LRRC72: variants seen among roughly 807,000 people sequenced by gnomAD.
The protein encoded by LRRC72 is leucine rich repeat containing 72.
Under a neutral mutation model 35.8 loss-of-function variants are expected in LRRC72, and 41 were observed. That is an observed-to-expected ratio of 1.15 (90% CI 0.89 to 1.49). LRRC72 has a LOEUF of 1.49. Among genes scored for constraint, LRRC72 ranks in the 40% most tolerant of loss-of-function variants. The pLI is 0.00. For synonymous variants in LRRC72, 118 were observed against 119.2 expected (o/e 0.99, Z 0.07); for missense variants, 389 against 330.7 (o/e 1.18, Z -1.37).
chr7:16,574,648 G>C (rs967254518), intron 7 of LRRC72, among the ~76,000 whole-genome samples: 3 of 152,030 alleles, frequency 2.0e-5, no homozygotes, highest in East Asian at 3.9e-4. Flanking sequence ...GGGCCTGTCG[G>C]GGGCTGGAGG....
At chr7:16,544,010 A>G (rs1782403692) in intron 3 of LRRC72, among the ~76,000 whole-genome samples, 1 of 152,224 alleles carries the variant, frequency 6.6e-6, no homozygotes, top group African/African-American at 2.4e-5. Flanking sequence ...CTTATCCTGT[A>G]CTTGCATTAG....
At chr7:16,581,245 A>G (rs1783136086) in intron 8 of LRRC72, 79 bp from the exon 9 acceptor site, 2 of 1,278,094 alleles carry the variant, frequency 1.6e-6, no homozygotes, top group Admixed American at 6.3e-5. Flanking sequence ...GCATTGATTC[A>G]TTTGAATAAA....
intron 3 of LRRC72, among the ~76,000 whole-genome samples, chr7:16,551,462 T>C (rs371990325): frequency 6.6e-5 from 10 of 152,074 alleles, no homozygotes; most frequent in Non-Finnish European, 1.5e-4. Context: ...GGGCTGGCCA[T>C]CAAAAACACT....
intron 1 of LRRC72, among the ~76,000 whole-genome samples, chr7:16,528,579 T>C (rs903607607): frequency 6.6e-6 from 1 of 152,126 alleles, no homozygotes; most frequent in African/African-American, 2.4e-5. Flanking sequence ...GTCATATCTG[T>C]TCACTGCTCA....
chr7:16,553,693 G>GC (rs916001930), intron 3 of LRRC72, among the ~76,000 whole-genome samples: 1 of 152,112 alleles, frequency 6.6e-6, no homozygotes, highest in Non-Finnish European at 1.5e-5. Flanking sequence ...CCCCAGGGTA[G>GC]CCCCTGCCCC....
chr7:16,581,357 TG>T lies in LRRC72; in HGVS notation c.733del (p.Val245Ter), dbSNP rs1783138368. 6.5e-7 allele frequency: 1 copy of T among 1,532,924 alleles called. No individual in the cohort carries two copies. The highest frequency in any genetic ancestry group is 8.8e-7 in the Non-Finnish European group (1 of 1,137,906). The allele number at this position is 1,532,924 out of a possible 1,614,324, so 95.0% of individuals were successfully genotyped here. Reference sequence around the variant, plus strand: ...TTGATGACCCAGAAGATGCTGTTTTTGTGAGGTCCATGAAGAGATCAGTGAT... The same window carrying T: ...TTGATGACCCAGAAGATGCTGTTTTTTGAGGTCCATGAAGAGATCAGTGAT... ...VLDDPEDAVF[V>X]RSMKRSVMTL... On this transcript the variant is annotated frameshift_variant, in exon 9 of 9. Transcript: ENST00000401542. LOFTEE classifies it high-confidence loss of function.
intron 5 of LRRC72, among the ~76,000 whole-genome samples, chr7:16,562,341 C>A (rs1782757510): frequency 6.6e-6 from 1 of 152,186 alleles, no homozygotes; most frequent in South Asian, 2.1e-4. Context: ...CTCCTGCCCC[C>A]TTTCCAGTAC....
intron 4 of LRRC72, 23 bp downstream of exon 4, chr7:16,557,464 A>C: frequency 1.0e-6 from 1 of 974,542 alleles, no homozygotes; most frequent in South Asian, 3.5e-5. Flanking sequence ...TTCTCTGTTG[A>C]TTTAATAAAT....
At chr7:16,554,649 C>A (rs796618066) in intron 3 of LRRC72, among the ~76,000 whole-genome samples, 9 of 152,242 alleles carry the variant, frequency 5.9e-5, no homozygotes, top group African/African-American at 1.9e-4. Flanking sequence ...TAAACAAGAT[C>A]TTTTAATAGC....
chr7:16,548,708 T>C (rs1301819391), intron 3 of LRRC72, among the ~76,000 whole-genome samples: 1 of 152,192 alleles, frequency 6.6e-6, no homozygotes, highest in Non-Finnish European at 1.5e-5. Context: ...GGATCCAAGC[T>C]GGTAGCAGGA....
At chr7:16,571,569 C>T (rs1782945086) in intron 7 of LRRC72, among the ~76,000 whole-genome samples, 1 of 152,166 alleles carries the variant, frequency 6.6e-6, no homozygotes, top group Non-Finnish European at 1.5e-5. Context: ...TGGGGTGTCG[C>T]CTCACCCGGG....
At chr7:16,560,262 T>A (rs1161905227) in intron 5 of LRRC72, among the ~76,000 whole-genome samples, 2 of 152,238 alleles carry the variant, frequency 1.3e-5, no homozygotes, top group Non-Finnish European at 2.9e-5. Flanking sequence ...TGAACAGTTG[T>A]AAGCTAGTAT....
chr7:16,578,300 C>T (rs1204522199), intron 7 of LRRC72, among the ~76,000 whole-genome samples: 1 of 152,082 alleles, frequency 6.6e-6, no homozygotes, highest in African/African-American at 2.4e-5. Context: ...TGGTGAAACC[C>T]CGTCTCTATT....
In LRRC72 at chr7:16,581,445, G is replaced by T; in HGVS notation, c.820G>T (p.Glu274Ter). 6.5e-7 allele frequency: 1 copy of T among 1,550,302 alleles called. No homozygotes were observed. Among genetic ancestry groups the T allele is most frequent in the South Asian group, 1.2e-5 (1 of 83,880 alleles). ...PTREERYLEE[E>*]GTETAQMLTV... ...ACGAGAGGAAAGGTACCTTGAAGAG[G>T]AAGGCACAGAAACAGCTCAAATGCT... The change falls in exon 9 of 9, where the codon GAA (glutamate) becomes TAA (stop). Residue 274 changes from glutamate (E) to a stop codon, truncating the protein, a stop_gained. Coordinates refer to ENST00000401542, the MANE Select transcript of LRRC72 (RefSeq NM_001195280.2). LOFTEE classifies it high-confidence loss of function.
intron 7 of LRRC72, among the ~76,000 whole-genome samples, chr7:16,577,856 T>C (rs918776415): frequency 2.0e-5 from 3 of 152,116 alleles, no homozygotes; most frequent in African/African-American, 7.2e-5. Context: ...ATCCAACAAG[T>C]AGGCAGAAGT....
chr7:16,531,465 C>A (rs1235781325), intron 1 of LRRC72, among the ~76,000 whole-genome samples: 1 of 152,190 alleles, frequency 6.6e-6, no homozygotes, highest in Non-Finnish European at 1.5e-5. Flanking sequence ...ATGTTCATTG[C>A]ACTAAATATA....
intron 7 of LRRC72, among the ~76,000 whole-genome samples, chr7:16,578,523 C>T (rs189347455): frequency 1.3e-5 from 2 of 152,154 alleles, no homozygotes; most frequent in African/African-American, 4.8e-5. Context: ...AAAACAAAAC[C>T]ACACACATTG....
At chr7:16,570,857 G>T (rs1782932146) in intron 7 of LRRC72, among the ~76,000 whole-genome samples, 1 of 151,956 alleles carries the variant, frequency 6.6e-6, no homozygotes, top group Non-Finnish European at 1.5e-5. Flanking sequence ...TTTCTCAATT[G>T]TTCCAAAAAG....
intron 7 of LRRC72, 120 bp downstream of exon 7, chr7:16,567,663 A>G (rs1782872771): frequency 2.3e-6 from 2 of 861,578 alleles, no homozygotes; most frequent in Non-Finnish European, 3.3e-6. Context: ...TATCTATGTA[A>G]TGGAATAATT....
Sources: gnomAD v4.1 joint callset for allele counts (sites outside exome capture counted in the v4.1 genomes callset) on GRCh38, gnomAD v4.1.1 for gene constraint, MANE v1.5 for transcripts, NCBI Gene and HGNC (gene_info 2026-07-23, HGNC 2026-07-21) for gene names.